The following DEF6 variants were observed in gnomAD, a reference collection of about 807,000 sequenced individuals.
DEF6 encodes the protein differentially expressed in FDCP 6 homolog.
A neutral mutation model predicts 80.5 loss-of-function variants in DEF6; 32 were observed. The observed-to-expected ratio is 0.40, with a 90% CI of 0.30 to 0.53. The LOEUF (loss-of-function observed/expected upper bound fraction) is 0.53, where lower values mean the gene tolerates loss of function less well. DEF6 is among the 20% of genes least tolerant of loss of function. The pLI is 0.57. For missense variants in DEF6, 575 were observed against 818.7 expected, an observed-to-expected ratio of 0.70 and a Z score of 3.63; for synonymous variants, 300 against 337.9, an observed-to-expected ratio of 0.89 and a Z score of 1.23.
In DEF6 at chr6:35,321,597, G is replaced by A. The variant is rs182569797; in HGVS notation, c.*187G>A. ...CCCTTCATACCAGCTCCAAGCCCCA[G>A]ACCATGGGAGCTGTCTGGGATGTTG... On this transcript the variant is annotated 3_prime_UTR_variant, in exon 11 of 11. Coordinates refer to ENST00000316637, the MANE Select transcript of DEF6 (RefSeq NM_022047.4). 994 of 538,462 alleles carry A rather than the reference G, an allele frequency of 1.8e-3. 3 individuals are homozygous for A. The highest frequency in any genetic ancestry group is 2.7e-3 in the Non-Finnish European group (816 of 307,652). The allele number at this position is 538,462 out of a possible 1,614,324, so 33.4% of individuals were successfully genotyped here.
chr6:35,312,712 G>A lies in DEF6; in HGVS notation c.747G>A (p.Gly249=), dbSNP rs375239867. 3.9e-4 allele frequency: 636 copies of A among 1,613,218 alleles called. No homozygotes were observed. The highest frequency in any genetic ancestry group is 7.4e-4 in the South Asian group (67 of 90,930). Residue 249 remains glycine (G), a synonymous_variant, in exon 5 of 11, where the codon GGG becomes GGA. Transcript: ENST00000316637. This position sits in a 1 kb window ranked among gnomAD's most constrained non-coding sequence, Gnocchi z 6.6. ...QLQPSCLCYF[G]SEECKEKRGI... ...AGCCCAGCTGCCTCTGCTACTTTGG[G>A]AGTGAAGAGTGCAAAGAGAAAAGGG...
chr6:35,307,442 ACAG>A (rs965587881), intron 1 of DEF6, among the ~76,000 whole-genome samples: 13 of 152,224 alleles, frequency 8.5e-5, no homozygotes, highest in Non-Finnish European at 1.6e-4. Flanking sequence ...AGGCCAAGAG[ACAG>A]CAGATGAGAA....
rs1791544248 is a variant in DEF6, at chr6:35,318,144, C to A, written c.917-29C>A. ...CCCCTTTCGGGCCGTGTGCGAGGAT[C>A]CTACTGACCCGCTCCCGCTCTTCGG... On this transcript the variant is annotated intron_variant, in intron 6 of 10. Transcript: ENST00000316637. This position sits in a 1 kb window ranked among gnomAD's most constrained non-coding sequence, Gnocchi z 5.1. 2 of 1,533,132 alleles carry A rather than the reference C, an allele frequency of 1.3e-6. No individual in the cohort carries two copies. The highest frequency in any genetic ancestry group is 4.6e-5 in the East Asian group (2 of 43,818). 95.0% of individuals were successfully genotyped at this position (1,533,132 alleles called of 1,614,324 possible).
In DEF6 at chr6:35,319,473, C is replaced by T; in HGVS notation, c.1216-51C>T. On this transcript the variant is annotated intron_variant, in intron 7 of 10. Coordinates refer to ENST00000316637, the MANE Select transcript of DEF6 (RefSeq NM_022047.4). This position sits in a 1 kb window ranked among gnomAD's most constrained non-coding sequence, Gnocchi z 4.5. The stretch of plus-strand genomic sequence containing the variant: ...TGCCCACCCCCTCCTCCTCCGCCCC[C>T]ACGTGCCCCTTTTGACCTGGCTCTT... 6.6e-7 allele frequency: 1 copy of T among 1,504,900 alleles called. No individual in the cohort carries two copies. The highest frequency in any genetic ancestry group is 9.1e-7 in the Non-Finnish European group (1 of 1,103,706). 93.2% of individuals were successfully genotyped at this position (1,504,900 alleles called of 1,614,324 possible).
chr6:35,298,504 AC>A (rs1791271527), intron 1 of DEF6, among the ~76,000 whole-genome samples: 1 of 152,134 alleles, frequency 6.6e-6, no homozygotes. Flanking sequence ...ACCCTATTAT[AC>A]TGCTACGCAG....
At position 35,312,758 on chromosome 6, in the gene DEF6, C is replaced by T; in HGVS notation, c.793C>T (p.His265Tyr). The T allele has an allele frequency of 6.2e-7, 1 of 1,611,930 alleles. No homozygotes were observed. Among genetic ancestry groups the T allele is most frequent in the Non-Finnish European group, 8.5e-7 (1 of 1,179,214 alleles). ...EKRGIIPLDA[H>Y]CCVEVLPDRD... is the part of the protein sequence containing the mutation. ...AAGGGGCATTATCCCGCTGGATGCA[C>T]ACTGCTGCGTGGAGGTGAGGGGCAG... Residue 265 changes from histidine (H) to tyrosine (Y), a missense_variant, in exon 5 of 11, where the codon CAC becomes TAC. His to Tyr is a moderately conservative substitution (Grantham distance 83, BLOSUM62 2). Transcript: ENST00000316637. This position sits in a 1 kb window ranked among gnomAD's most constrained non-coding sequence, Gnocchi z 6.6.
At chr6:35,300,410 G>A (rs1412638484) in intron 1 of DEF6, among the ~76,000 whole-genome samples, 1 of 152,156 alleles carries the variant, frequency 6.6e-6, no homozygotes, top group Admixed American at 6.5e-5. Flanking sequence ...AGATGTGTCG[G>A]TGCGTGACAT....
rs1294403905 is a variant in DEF6, at chr6:35,319,199, G to C, written c.1216-325G>C. Among the ~76,000 whole-genome samples, 1 of 151,690 alleles carries C rather than the reference G, an allele frequency of 6.6e-6. No homozygotes were observed. Among genetic ancestry groups the C allele is most frequent in the South Asian group, 2.1e-4 (1 of 4,826 alleles). The stretch of plus-strand genomic sequence containing the variant: ...TATTATATATTATAATAATTATTAA[G>C]TTAGTGCTAGGAAGGAGATGACCAT... On this transcript the variant is annotated intron_variant, in intron 7 of 10. Transcript: ENST00000316637. This position sits in a 1 kb window ranked among gnomAD's most constrained non-coding sequence, Gnocchi z 4.5.
At chr6:35,310,704 T>C in intron 3 of DEF6, 60 bp downstream of exon 3, 1 of 1,584,740 alleles carries the variant, frequency 6.3e-7, no homozygotes, top group South Asian at 1.1e-5. Flanking sequence ...AGCAAAACCA[T>C]GAATGAGACC....
chr6:35,303,855 C>T (rs1296165658), intron 1 of DEF6, among the ~76,000 whole-genome samples: 1 of 151,578 alleles, frequency 6.6e-6, no homozygotes, highest in African/African-American at 2.4e-5. Context: ...AAATTAGGCC[C>T]AGCACGGTGG....
At chr6:35,317,572 A>G (rs1263031099) in intron 5 of DEF6, 1 of 219,194 alleles carries the variant, frequency 4.6e-6, no homozygotes, top group Non-Finnish European at 9.0e-6. Context: ...GTGAGTTGTC[A>G]TGGATAGTGA....
At chr6:35,316,839 C>A (rs1475660303) in intron 5 of DEF6, among the ~76,000 whole-genome samples, 1 of 152,178 alleles carries the variant, frequency 6.6e-6, no homozygotes, top group Admixed American at 6.5e-5. Flanking sequence ...TCACACCAAA[C>A]AGAAACTCTG....
chr6:35,304,623 T>A (rs1791367441), intron 1 of DEF6, among the ~76,000 whole-genome samples: 1 of 152,166 alleles, frequency 6.6e-6, no homozygotes, highest in Admixed American at 6.5e-5. Flanking sequence ...GGACTCGAAC[T>A]TTTACTCTGA....
intron 1 of DEF6, among the ~76,000 whole-genome samples, chr6:35,299,904 T>G (rs1248924798): frequency 6.6e-6 from 1 of 151,512 alleles, no homozygotes; most frequent in Non-Finnish European, 1.5e-5. Flanking sequence ...AGCAAAGGAG[T>G]AATAGAGAAG....
At chr6:35,313,321 C>A (rs562261449) in intron 5 of DEF6, 81 of 426,430 alleles carry the variant, frequency 1.9e-4, no homozygotes, top group African/African-American at 1.4e-3. Flanking sequence ...TAAATACATT[C>A]ATGAAATTAA....
rs577181794 is a variant in DEF6 at position 35,307,109 on chromosome 6, C to T, written c.97-2561C>T. Among the ~76,000 whole-genome samples, 4 of 152,322 alleles carry T rather than the reference C, an allele frequency of 2.6e-5. No individual in the cohort carries two copies. The South Asian group carries it at 8.3e-4, about 32-fold the overall frequency. Reference sequence around the variant, plus strand: ...TCTGTAGGTTGGATGATTAGAAATGCTGGGGTGGCCGGGCGCAGTGGCTCA... The same window carrying T: ...TCTGTAGGTTGGATGATTAGAAATGTTGGGGTGGCCGGGCGCAGTGGCTCA... On this transcript the variant is annotated intron_variant, in intron 1 of 10. Coordinates refer to ENST00000316637, the MANE Select transcript of DEF6 (RefSeq NM_022047.4).
intron 1 of DEF6, 95 bp downstream of exon 1, chr6:35,298,047 G>A: frequency 1.8e-6 from 2 of 1,115,852 alleles, no homozygotes; most frequent in Non-Finnish European, 2.6e-6. Flanking sequence ...CCACTCCAGG[G>A]GCACCCAGCC....
Position 35,321,376 on chromosome 6 carries a change from A to G in DEF6, c.1862A>G (p.Gln621Arg). The G allele has an allele frequency of 1.9e-6, 3 of 1,613,998 alleles. No homozygotes were observed. Among genetic ancestry groups the G allele is most frequent in the Non-Finnish European group, 2.5e-6 (3 of 1,179,930 alleles). The change falls in exon 11 of 11, where the codon CAG (glutamine) becomes CGG (arginine). Residue 621 changes from glutamine (Q) to arginine (R), a missense_variant. By Grantham distance (43) the Gln-to-Arg change is conservative. Transcript: ENST00000316637. ...GCTCCTGCCCCGGCTTCCACCCCTC[A>G]GGAAGATAAACTGGATCCAGCACCA... ...DEAPAPASTPQEDKLDPAPEN is the reference protein window; with the variant it reads ...DEAPAPASTPREDKLDPAPEN
chr6:35,321,466 C>A lies in DEF6; in HGVS notation c.*56C>A. 6.6e-7 allele frequency: 1 copy of A among 1,526,134 alleles called. No homozygotes were observed. Among genetic ancestry groups the A allele is most frequent in the Non-Finnish European group, 9.0e-7 (1 of 1,112,496 alleles). The allele number at this position is 1,526,134 out of a possible 1,614,324, so 94.5% of individuals were successfully genotyped here. On this transcript the variant is annotated 3_prime_UTR_variant, in exon 11 of 11. Transcript: ENST00000316637. The stretch of plus-strand genomic sequence containing the variant: ...CATATCCACCAGGACCTGGCCACAG[C>A]TGGCCTGTGGGTGATCCCAGCTCTT...
Sources: gnomAD v4.1 joint callset for allele counts (sites outside exome capture counted in the v4.1 genomes callset) on GRCh38, gnomAD v4.1.1 for gene constraint, Gnocchi (gnomAD v3.1) non-coding constraint, MANE v1.5 for transcripts, NCBI Gene and HGNC (gene_info 2026-07-23, HGNC 2026-07-21) for gene names.